MTAP: variants seen among roughly 807,000 people sequenced by gnomAD.
The protein encoded by MTAP is methylthioadenosine phosphorylase, also known as S-methyl-5'-thioadenosine phosphorylase.
Under a neutral mutation model 33.6 loss-of-function variants are expected in MTAP, and 33 were observed. The ratio of observed to expected loss-of-function variants is 0.98; its 90% CI spans 0.74 to 1.31. The LOEUF is 1.31. MTAP is among the 40% of genes most tolerant of loss of function. The pLI is 0.00. For synonymous variants in MTAP, 148 were observed against 125.7 expected (o/e 1.18, Z -1.19); for missense variants, 367 against 360.0 (o/e 1.02, Z -0.16).
intron 1 of MTAP, among the ~76,000 whole-genome samples, chr9:21,810,103 A>G (rs1391007030): frequency 6.6e-6 from 1 of 152,214 alleles, no homozygotes; most frequent in Non-Finnish European, 1.5e-5. Flanking sequence ...CTGCTATAAC[A>G]AAGCACTACA....
intron 5 of MTAP, among the ~76,000 whole-genome samples, chr9:21,850,251 G>A (rs1361068477): frequency 2.0e-5 from 3 of 152,192 alleles, no homozygotes; most frequent in African/African-American, 7.2e-5. Context: ...GGGGTCCAGT[G>A]GTGTGGGGCC....
intron 1 of MTAP, among the ~76,000 whole-genome samples, chr9:21,806,340 T>G (rs1175866381): frequency 1.3e-5 from 2 of 151,994 alleles, no homozygotes; most frequent in Non-Finnish European, 2.9e-5. Flanking sequence ...GATTTCTGCT[T>G]TTGACCTGGA....
At chr9:21,887,379 C>T (rs1186404692) in intron 1 of MTAP, among the ~76,000 whole-genome samples, 1 of 151,838 alleles carries the variant, frequency 6.6e-6, no homozygotes. Flanking sequence ...TTCTGCCCTT[C>T]CAATAGTTTG....
At chr9:21,873,614 C>G (rs1000006624) in intron 1 of MTAP, among the ~76,000 whole-genome samples, 1 of 104,452 alleles carries the variant, frequency 9.6e-6, no homozygotes, top group African/African-American at 3.9e-5. Flanking sequence ...ACCCCCGCCC[C>G]CCACCCCAAG....
intron 1 of MTAP, among the ~76,000 whole-genome samples, chr9:21,886,579 T>C (rs553373898): frequency 3.3e-5 from 5 of 152,218 alleles, no homozygotes; most frequent in African/African-American, 1.2e-4. Context: ...ATTTTTATGG[T>C]TTCAGGTCTT....
intron 1 of MTAP, chr9:21,893,608 A>G (rs922604961): frequency 6.6e-6 from 1 of 152,172 alleles, no homozygotes; most frequent in African/African-American, 2.4e-5. Flanking sequence ...ACCCTCAAAG[A>G]CTAAATGAAC....
chr9:21,924,182 G>A (rs746816526), intron 1 of MTAP, among the ~76,000 whole-genome samples: 24 of 152,320 alleles, frequency 1.6e-4, no homozygotes, highest in Non-Finnish European at 3.1e-4. Flanking sequence ...AATGGGGGAT[G>A]CCCTGTTCAG....
Position 21,818,190 on chromosome 9 carries a change from A to G in MTAP, c.335A>G (p.Gln112Arg). 2 of 1,613,924 alleles carry G rather than the reference A, an allele frequency of 1.2e-6. No individual in the cohort carries two copies. The highest frequency in any genetic ancestry group is 8.5e-7 in the Non-Finnish European group (1 of 1,179,962). The part of the protein sequence containing the change: ...IQPGDIVIID[Q>R]FIDRTTMRPQ... ...CCCGGCGATATTGTCATTATTGATC[A>G]GTTCATTGACAGGTAAGCAGTCATA... is the stretch of plus-strand genomic sequence containing the variant. The change falls in exon 4 of 8, where the codon CAG (glutamine) becomes CGG (arginine). Residue 112 changes from glutamine (Q) to arginine (R), a missense_variant. Gln to Arg is a conservative substitution (Grantham distance 43). Transcript: ENST00000644715.
chr9:21,810,985 T>A (rs1455480684), intron 1 of MTAP, among the ~76,000 whole-genome samples: 1 of 152,118 alleles, frequency 6.6e-6, no homozygotes, highest in African/African-American at 2.4e-5. Context: ...CAAAGCCATG[T>A]CAGCCTAATA....
chr9:21,938,235 C>G (rs1422672632), downstream of MTAP, among the ~76,000 whole-genome samples: 1 of 150,674 alleles, frequency 6.6e-6, no homozygotes, highest in Non-Finnish European at 1.5e-5. Flanking sequence ...GATCACACCA[C>G]TGCACTCCAG....
intron 1 of MTAP, among the ~76,000 whole-genome samples, chr9:21,885,172 G>T (rs1458507382): frequency 6.6e-6 from 1 of 151,856 alleles, no homozygotes; most frequent in Non-Finnish European, 1.5e-5. Context: ...AACAGTTTAT[G>T]CCAGGAAACA....
At chr9:21,843,596 C>A (rs1825304508) in intron 5 of MTAP, among the ~76,000 whole-genome samples, 1 of 152,124 alleles carries the variant, frequency 6.6e-6, no homozygotes, top group South Asian at 2.1e-4. Flanking sequence ...CAAGAAGAAT[C>A]CTCAAAACTA....
chr9:21,877,174 G>A (rs982425838), intron 1 of MTAP, among the ~76,000 whole-genome samples: 1 of 152,054 alleles, frequency 6.6e-6, no homozygotes, highest in Non-Finnish European at 1.5e-5. Context: ...TGTCATTGGT[G>A]TATAGGAATG....
At position 21,839,541 on chromosome 9, in the gene MTAP, A is replaced by T. The variant is rs147367379; in HGVS notation, c.450+1531A>T. Among the ~76,000 whole-genome samples, 8 of 152,362 alleles carry T rather than the reference A, an allele frequency of 5.3e-5. No homozygotes were observed. In the East Asian group the frequency reaches 1.5e-3, roughly 29 times the overall value. ...TGGGTCTGTGGTGATAATTTCCAGT[A>T]ATCCAAGTTAGCCTCCCTTGAAGCC... On this transcript the variant is annotated intron_variant, in intron 5 of 7. Transcript: ENST00000644715.
downstream of MTAP, chr9:21,934,233 G>A (rs1485614235): frequency 6.6e-6 from 1 of 152,186 alleles, no homozygotes; most frequent in Non-Finnish European, 1.5e-5. The surrounding 1 kb of genome is among the most constrained non-coding windows in gnomAD (Gnocchi z 5.0). Flanking sequence ...GTTGAAGTAT[G>A]GCTACTAGAA....
At chr9:21,849,478 C>G (rs537380879) in intron 5 of MTAP, among the ~76,000 whole-genome samples, 1 of 152,276 alleles carries the variant, frequency 6.6e-6, no homozygotes, top group South Asian at 2.1e-4. Flanking sequence ...ATCCTGTGGT[C>G]ATTTCCCCAG....
chr9:21,860,622 T>C (rs1825734712), intron 7 of MTAP: 1 of 152,156 alleles, frequency 6.6e-6, no homozygotes, highest in Non-Finnish European at 1.5e-5. Flanking sequence ...AGGGAAAAAA[T>C]ACATTTGAGT....
At chr9:21,855,723 T>C (rs1218535797) in intron 6 of MTAP, among the ~76,000 whole-genome samples, 1 of 151,852 alleles carries the variant, frequency 6.6e-6, no homozygotes, top group Admixed American at 6.6e-5. Flanking sequence ...AACAAAACTT[T>C]AAACATCTGT....
At chr9:21,810,122 A>G (rs1824308698) in intron 1 of MTAP, among the ~76,000 whole-genome samples, 1 of 152,200 alleles carries the variant, frequency 6.6e-6, no homozygotes, top group African/African-American at 2.4e-5. Flanking sequence ...CAGAATGGGT[A>G]GCTTATGCAA....
Sources: gnomAD v4.1 joint callset for allele counts (sites outside exome capture counted in the v4.1 genomes callset) on GRCh38, gnomAD v4.1.1 for gene constraint, Gnocchi (gnomAD v3.1) non-coding constraint, MANE v1.5 for transcripts, NCBI Gene and HGNC (gene_info 2026-07-23, HGNC 2026-07-21) for gene names.